Variants in BUD23 observed in about 807,000 individuals in gnomAD.
BUD23 encodes the protein BUD23 rRNA methyltransferase and ribosome maturation factor, also known as 18S rRNA (guanine-N(7))-methyltransferase.
In BUD23, 34 loss-of-function variants were observed where a neutral mutation model predicts 47.0. The observed-to-expected ratio is 0.72, with a 90% CI of 0.55 to 0.96. BUD23 has a LOEUF of 0.96. Among genes scored for constraint, BUD23 ranks in the 40% least tolerant of loss-of-function variants. BUD23 has a pLI of 0.00. For missense variants in BUD23, 343 were observed against 361.2 expected (o/e 0.95, Z 0.41); for synonymous variants, 124 against 132.0 (o/e 0.94, Z 0.41).
Position 73,694,444 on chromosome 7 carries a change from T to G in BUD23, c.701+394T>G, listed in dbSNP as rs142539731. The stretch of plus-strand genomic sequence containing the variant: ...GGTCACTGCTGTCGGCACACAGACA[T>G]GCTGCACAATTTCTCCTTTTCTAGA... On this transcript the variant is annotated intron_variant, in intron 10 of 11. Coordinates refer to ENST00000265758, the MANE Select transcript of BUD23 (RefSeq NM_017528.5). The G allele has an allele frequency of 1.7e-3, 309 of 176,668 alleles. 1 individual carries two copies. Among genetic ancestry groups the G allele is most frequent in the African/African-American group, 7.0e-3 (297 of 42,340 alleles). 10.9% of individuals were successfully genotyped at this position (176,668 alleles called of 1,614,324 possible).
chr7:73,687,042 G>C lies in BUD23; in HGVS notation c.309G>C (p.Gly103=). 1 of 1,614,120 alleles carries C rather than the reference G, an allele frequency of 6.2e-7. No individual in the cohort carries two copies. ...DREIEGDLLL[G]DMGQGIPFKP... ...AGATAGAGGGAGACCTGCTGCTGGGGGATATGGGCCAGGGCATCCCATTCA... is the reference window on the plus strand; with the variant it reads ...AGATAGAGGGAGACCTGCTGCTGGGCGATATGGGCCAGGGCATCCCATTCA... The change falls in exon 5 of 12, where the codon GGG becomes GGC. Residue 103 remains glycine, a synonymous_variant. Transcript: ENST00000265758.
intron 2 of BUD23, chr7:73,684,080 AGGCGCTGGGCGGTGGGTACG>A: frequency 8.5e-7 from 1 of 1,171,756 alleles, no homozygotes; most frequent in Non-Finnish European, 1.2e-6. Context: ...GTGGTAAAAG[AGGCGCTGGGCGGTGGGTACG>A]GGCGAGGGGT....
chr7:73,686,782 G>A lies in BUD23; in HGVS notation c.183-36G>A, dbSNP rs1554613077. 3.1e-6 allele frequency: 5 copies of A among 1,614,122 alleles called. No individual in the cohort carries two copies. The South Asian group carries it at 3.3e-5, about 11-fold the overall frequency. ...TTGTCTAAGGTGGTGAAGTGTCTTTGTAAACTGACCCTGAGTGTCTGGTCA... is the reference window on the plus strand; with the variant it reads ...TTGTCTAAGGTGGTGAAGTGTCTTTATAAACTGACCCTGAGTGTCTGGTCA... On this transcript the variant is annotated intron_variant, in intron 3 of 11. Coordinates refer to ENST00000265758, the MANE Select transcript of BUD23 (RefSeq NM_017528.5).
chr7:73,696,955 A>C, intron 10 of BUD23: 1 of 170,026 alleles, frequency 5.9e-6, no homozygotes, highest in Admixed American at 5.7e-5. Context: ...CTCTGCCCTC[A>C]CTTTGTACTC....
At position 73,684,617 on chromosome 7, in the gene BUD23, A is replaced by AGG. The variant is rs35734688; in HGVS notation, c.86+821_86+822dup. 6.7e-3 allele frequency among the ~76,000 whole-genome samples: 581 copies of AGG among 86,422 alleles called. 7 individuals carry two copies. The highest frequency in any genetic ancestry group is 7.5e-3 in the African/African-American group (169 of 22,568). The allele number at this position is 86,422 out of a possible 152,430, so 56.7% of individuals were successfully genotyped here. ...CCTCGAGTCGTTAAAAAAAAAAAAA[A>AGG]GGGGGGGGGATGGGGGCGGGGGGAA... On this transcript the variant is annotated intron_variant, in intron 2 of 11. Transcript: ENST00000265758.
At position 73,687,367 on chromosome 7, in the gene BUD23, C is replaced by T. The variant is rs141846477; in HGVS notation, c.362+272C>T. 1.6e-4 allele frequency among the ~76,000 whole-genome samples: 24 copies of T among 152,260 alleles called. No homozygotes were observed. In the East Asian group the frequency reaches 4.6e-3, roughly 29 times the overall value. Reference sequence around the variant, plus strand: ...TCTTGGCTCACTGCAGCCTTCGCCTCCCAGGCTCAAGCGATTCTCCTGCCT... The same window carrying T: ...TCTTGGCTCACTGCAGCCTTCGCCTTCCAGGCTCAAGCGATTCTCCTGCCT... On this transcript the variant is annotated intron_variant, in intron 5 of 11. Coordinates refer to ENST00000265758, the MANE Select transcript of BUD23 (RefSeq NM_017528.5).
chr7:73,697,438 G>A (rs1798451394), intron 10 of BUD23, 167 bp from the exon 11 acceptor site: 1 of 1,537,704 alleles, frequency 6.5e-7, no homozygotes. Context: ...AGGAAGGAGG[G>A]TGTCCAGAGC....
rs1032323885 is a variant in BUD23 at position 73,690,968 on chromosome 7, G to T, written c.415G>T (p.Ala139Ser). Residue 139 changes from alanine to serine, a missense_variant, in exon 6 of 12, where the codon GCC (alanine) becomes TCC (serine). Ala to Ser is a moderately conservative substitution (Grantham distance 99). Coordinates refer to ENST00000265758, the MANE Select transcript of BUD23 (RefSeq NM_017528.5). ...CNANKKSENP[A>S]KRLYCFFASL... ...TGCTAACAAGAAGTCTGAAAACCCT[G>T]CCAAGCGCCTGTACTGCTTTTTTGC... The T allele has an allele frequency of 4.3e-6, 7 of 1,614,066 alleles. No individual in the cohort carries two copies. The African/African-American group carries it at 6.7e-5, about 15-fold the overall frequency.
intron 10 of BUD23, chr7:73,697,303 A>ACGG: frequency 1.3e-6 from 1 of 744,944 alleles, no homozygotes; most frequent in East Asian, 2.7e-5. Flanking sequence ...CGGCCTGCTT[A>ACGG]CTGCTGCTTA....
chr7:73,683,968 G>A, intron 2 of BUD23, 164 bp downstream of exon 2: 1 of 1,513,416 alleles, frequency 6.6e-7, no homozygotes, highest in South Asian at 1.3e-5. Flanking sequence ...TTAAGTTGCC[G>A]ACCTCTCTGG....
chr7:73,686,723 G>A lies in BUD23; in HGVS notation c.174G>A (p.Leu58=). ...YLPENKPCYL[L]DIGCGTGLSG... ...CAGAGAATAAGCCCTGTTACCTGCTGGATATTGGGTGAGATTCTGGGGCCT... is the reference window on the plus strand; with the variant it reads ...CAGAGAATAAGCCCTGTTACCTGCTAGATATTGGGTGAGATTCTGGGGCCT... The change falls in exon 3 of 12, where the codon CTG becomes CTA. Residue 58 remains leucine (L), a synonymous_variant. Transcript: ENST00000265758. The A allele has an allele frequency of 1.2e-6, 2 of 1,614,164 alleles. No individual in the cohort carries two copies. Among genetic ancestry groups the A allele is most frequent in the Non-Finnish European group, 1.7e-6 (2 of 1,180,034 alleles).
chr7:73,697,800 T>C, intron 11 of BUD23, 32 bp from the exon 12 acceptor site: 6 of 1,612,252 alleles, frequency 3.7e-6, no homozygotes, highest in Non-Finnish European at 5.1e-6. Flanking sequence ...GATCTTTTTT[T>C]TCTGAGACTG....
chr7:73,692,110 G>T (rs1798217820), intron 6 of BUD23, among the ~76,000 whole-genome samples: 1 of 152,042 alleles, frequency 6.6e-6, no homozygotes, highest in African/African-American at 2.4e-5. Context: ...TCCTGGGGTG[G>T]ACTGCGCCTG....
At chr7:73,692,505 G>A in intron 6 of BUD23, 91 bp from the exon 7 acceptor site, 1 of 1,283,668 alleles carries the variant, frequency 7.8e-7, no homozygotes, top group Non-Finnish European at 1.1e-6. Context: ...GGAAATTCAG[G>A]AAATACTTGG....
Position 73,683,671 on chromosome 7 carries a change from C to G in BUD23, c.46C>G (p.Leu16Val), listed in dbSNP as rs368642694. 6.2e-7 allele frequency: 1 copy of G among 1,613,462 alleles called. No homozygotes were observed. The highest frequency in any genetic ancestry group is 8.5e-7 in the Non-Finnish European group (1 of 1,179,906). ...RRPEHGGPPELFYDETEARKY... is the reference protein window; with the variant it reads ...RRPEHGGPPEVFYDETEARKY... ...TCCGGAGCATGGCGGACCCCCAGAGCTGGTAAGTCCCGGGGCCCGCGGACA... is the reference window on the plus strand; with the variant it reads ...TCCGGAGCATGGCGGACCCCCAGAGGTGGTAAGTCCCGGGGCCCGCGGACA... The change falls in exon 1 of 12, where the codon CTG becomes GTG. Residue 16 changes from leucine (L) to valine (V), a missense_variant and splice_region_variant. Coordinates refer to ENST00000265758, the MANE Select transcript of BUD23 (RefSeq NM_017528.5).
intron 5 of BUD23, among the ~76,000 whole-genome samples, chr7:73,687,606 T>C (rs1554613283): frequency 6.6e-6 from 1 of 151,352 alleles, no homozygotes; most frequent in Non-Finnish European, 1.5e-5. Context: ...TAGAGATGGG[T>C]TTTTGCTATG....
In BUD23 at chr7:73,694,040, A is replaced by G. The variant is rs374988376; in HGVS notation, c.691A>G (p.Thr231Ala). Residue 231 changes from threonine (T) to alanine (A), a missense_variant, in exon 10 of 12, where the codon ACC (threonine) becomes GCC (alanine). By Grantham distance (58) the Thr-to-Ala change is moderately conservative. Transcript: ENST00000265758. ...AGTTGAACCCAGGGAGTCTGTGTTCACCAATGAGAGGTAAAGCAACTGCTG... is the reference window on the plus strand; with the variant it reads ...AGTTGAACCCAGGGAGTCTGTGTTCGCCAATGAGAGGTAAAGCAACTGCTG... ...DEVEPRESVF[T>A]NERFPLRMSR... 6.2e-7 allele frequency: 1 copy of G among 1,609,874 alleles called. No homozygotes were observed. The highest frequency in any genetic ancestry group is 8.5e-7 in the Non-Finnish European group (1 of 1,178,964).
chr7:73,689,343 G>A (rs1043681906), intron 5 of BUD23, among the ~76,000 whole-genome samples: 10 of 151,944 alleles, frequency 6.6e-5, no homozygotes, highest in Admixed American at 2.0e-4. Context: ...CACCGCACCC[G>A]GCCCAGACTT....
At chr7:73,684,608 A>C (rs1227680315) in intron 2 of BUD23, among the ~76,000 whole-genome samples, 2 of 92,340 alleles carry the variant, frequency 2.2e-5, no homozygotes, top group African/African-American at 8.0e-5. Context: ...GTCGTTAAAA[A>C]AAAAAAAAAG....
Sources: allele counts gnomAD v4.1 joint callset (sites outside exome capture counted in the v4.1 genomes callset), GRCh38; gene constraint gnomAD v4.1.1; transcripts MANE v1.5; gene names NCBI Gene and HGNC (gene_info 2026-07-23, HGNC 2026-07-21).